Variants in MANEA observed in about 807,000 individuals in gnomAD.
MANEA encodes the protein glycoprotein endo-alpha-1,2-mannosidase.
A neutral mutation model predicts 36.8 loss-of-function variants in MANEA; 25 were observed. The ratio of observed to expected loss-of-function variants is 0.68; its 90% confidence interval spans 0.50 to 0.95. The LOEUF (loss-of-function observed/expected upper bound fraction) is 0.95. MANEA is among the 40% of genes least tolerant of loss of function. The pLI, the probability that MANEA is intolerant of heterozygous loss-of-function variation, is 0.00. For missense variants in MANEA, 565 were observed against 558.8 expected (o/e 1.01, Z -0.11); for synonymous variants, 198 against 188.5 (o/e 1.05, Z -0.41).
At chr6:95,583,005 G>A (rs1455219882) in intron 1 of MANEA, among the ~76,000 whole-genome samples, 1 of 152,156 alleles carries the variant, frequency 6.6e-6, no homozygotes, top group Non-Finnish European at 1.5e-5. Flanking sequence ...AACTGATAAA[G>A]TCAATTTTGA....
intron 3 of MANEA, among the ~76,000 whole-genome samples, chr6:95,600,701 AC>A (rs1247319849): frequency 1.3e-5 from 2 of 152,240 alleles, no homozygotes; most frequent in African/African-American, 4.8e-5. Context: ...CCTCCAATGC[AC>A]ATAACTGACC....
In MANEA at chr6:95,586,920, T is replaced by C. The variant is rs777647662; in HGVS notation, c.481T>C (p.Tyr161His). 10 of 1,613,306 alleles carry C rather than the reference T, an allele frequency of 6.2e-6. No individual in the cohort carries two copies. Among genetic ancestry groups the C allele is most frequent in the Non-Finnish European group, 8.5e-6 (10 of 1,179,594 alleles). Residue 161 changes from tyrosine (Y) to histidine (H), a missense_variant, in exon 2 of 5, where the codon TAC becomes CAC. By Grantham distance (83) the Tyr-to-His change is moderately conservative. Coordinates refer to ENST00000358812, the MANE Select transcript of MANEA (RefSeq NM_024641.4). Reference sequence around the variant, plus strand: ...CAGCTTTTATCCTGAATTGGGAAGTTACAGTTCTCGGGATCCTTCTGTCAT... The same window carrying C: ...CAGCTTTTATCCTGAATTGGGAAGTCACAGTTCTCGGGATCCTTCTGTCAT... ...GSSFYPELGS[Y>H]SSRDPSVIET...
chr6:95,602,875 CCGGGCGCGGTGG>C, intron 3 of MANEA, among the ~76,000 whole-genome samples: 1 of 150,234 alleles, frequency 6.7e-6, no homozygotes, highest in African/African-American at 2.4e-5. Context: ...AAAAAATTAG[CCGGGCGCGGTGG>C]CGGGCGCCTG....
At chr6:95,586,310 A>G (rs907967886) in intron 1 of MANEA, 92 bp from the exon 2 acceptor site, 2 of 698,776 alleles carry the variant, frequency 2.9e-6, no homozygotes, top group Admixed American at 2.7e-5. Flanking sequence ...TATTCAATGT[A>G]ATGAAATTTA....
At chr6:95,601,198 CAG>C (rs1178066517) in intron 3 of MANEA, among the ~76,000 whole-genome samples, 1 of 152,152 alleles carries the variant, frequency 6.6e-6, no homozygotes, top group African/African-American at 2.4e-5. Flanking sequence ...GCTGGTTTTG[CAG>C]AGAGTGTAAA....
Position 95,604,895 on chromosome 6 carries a change from T to C in MANEA, c.723T>C (p.Ile241=), listed in dbSNP as rs201692925. 2.0e-5 allele frequency: 27 copies of C among 1,350,180 alleles called. No individual in the cohort carries two copies. The highest frequency in any genetic ancestry group is 7.1e-6 in the Non-Finnish European group (7 of 986,082). 83.6% of individuals were successfully genotyped at this position (1,350,180 alleles called of 1,614,324 possible). ...DQNMYKNVKY[I]IDKYGNHPAF... is the part of the protein sequence containing the mutation. The stretch of plus-strand genomic sequence containing the variant: ...ACATGTACAAAAATGTCAAGTATAT[T>C]ATAGACAAGTGAGTTTCTTCAATAT... The change falls in exon 4 of 5, where the codon ATT becomes ATC. Residue 241 remains isoleucine, a synonymous_variant. Transcript: ENST00000358812.
intron 3 of MANEA, among the ~76,000 whole-genome samples, chr6:95,599,882 G>T (rs1301420480): frequency 2.0e-5 from 3 of 152,074 alleles, no homozygotes; most frequent in Non-Finnish European, 4.4e-5. Context: ...GTTCTTATTG[G>T]CATTTGAAAT....
rs1363881058 is a variant in MANEA, at chr6:95,607,920, T to TA, written c.*1516dup. The TA allele has an allele frequency of 1.3e-5, 2 of 151,746 alleles. No homozygotes were observed. Among genetic ancestry groups the TA allele is most frequent in the African/African-American group, 2.4e-5 (1 of 41,412 alleles). 9.4% of individuals were successfully genotyped at this position (151,746 alleles called of 1,614,324 possible). A position where few individuals can be genotyped will look rare whatever the true frequency, so the allele number is the denominator to read the frequency against. On this transcript the variant is annotated 3_prime_UTR_variant, in exon 5 of 5. Transcript: ENST00000358812. ...AATTAGCACTAAATTTTTTATAAAA[T>TA]AGACCAGATGACAAAATTTATTTTA...
At chr6:95,579,974 CT>C (rs1769148792) in intron 1 of MANEA, among the ~76,000 whole-genome samples, 1 of 152,152 alleles carries the variant, frequency 6.6e-6, no homozygotes, top group African/African-American at 2.4e-5. Flanking sequence ...TCTATGGTGA[CT>C]TATAATACTT....
chr6:95,595,718 C>T (rs1769469739), intron 2 of MANEA, among the ~76,000 whole-genome samples: 1 of 152,018 alleles, frequency 6.6e-6, no homozygotes, highest in Non-Finnish European at 1.5e-5. Flanking sequence ...CGTAATGAGG[C>T]TTTGAATTAA....
rs1444448767 is a variant in MANEA at position 95,605,906 on chromosome 6, G to C, written c.890G>C (p.Gly297Ala). ...AGTATTCGCAATTCTCCTTATGATG[G>C]ACTGTTTATTGCCCTTCTGGTAGAA... is the stretch of plus-strand genomic sequence containing the variant. ...SRSIRNSPYD[G>A]LFIALLVEEK... The change falls in exon 5 of 5, where the codon GGA (glycine) becomes GCA (alanine). Residue 297 changes from glycine to alanine, a missense_variant. Coordinates refer to ENST00000358812, the MANE Select transcript of MANEA (RefSeq NM_024641.4). 8.1e-6 allele frequency: 13 copies of C among 1,613,846 alleles called. No individual in the cohort carries two copies. The highest frequency in any genetic ancestry group is 1.1e-5 in the Non-Finnish European group (13 of 1,179,942).
chr6:95,593,713 A>G (rs1464085524), intron 2 of MANEA, among the ~76,000 whole-genome samples: 1 of 152,100 alleles, frequency 6.6e-6, no homozygotes, highest in African/African-American at 2.4e-5. Flanking sequence ...AGCTTGAGGA[A>G]GAGAGTAAAG....
chr6:95,580,271 C>G (rs1055269670), intron 1 of MANEA, among the ~76,000 whole-genome samples: 2 of 151,562 alleles, frequency 1.3e-5, no homozygotes, highest in African/African-American at 2.4e-5. Context: ...CAGCAAAGAG[C>G]CAGAAATTAA....
chr6:95,586,411 T>G lies in MANEA; in HGVS notation c.-29T>G. The G allele has an allele frequency of 1.9e-6, 3 of 1,550,174 alleles. No homozygotes were observed. Among genetic ancestry groups the G allele is most frequent in the Non-Finnish European group, 2.6e-6 (3 of 1,143,178 alleles). On this transcript the variant is annotated 5_prime_UTR_variant, in exon 2 of 5. Transcript: ENST00000358812. The stretch of plus-strand genomic sequence containing the variant: ...TTTCAATAAATTGCAGCAAAACACT[T>G]ACTATTTTGGAGTTTAAAGTATGTC...
intron 1 of MANEA, among the ~76,000 whole-genome samples, chr6:95,578,317 A>G (rs745393681): frequency 2.6e-5 from 4 of 152,118 alleles, no homozygotes; most frequent in South Asian, 4.1e-4. Flanking sequence ...GGCAGGTATA[A>G]CTGTTTGGTT....
rs778602559 is a variant in MANEA at position 95,586,716 on chromosome 6, TTGGA to T, written c.280_283del (p.Asp94AsnfsTer5). ...ACCTTCCAAAGCCTCTGAACTTAAC[TTGGA>T]TGAACTACCACCTCTGAACAATTAT... On this transcript the variant is annotated frameshift_variant, in exon 2 of 5. Coordinates refer to ENST00000358812, the MANE Select transcript of MANEA (RefSeq NM_024641.4). LOFTEE classifies it high-confidence loss of function. 1 of 1,614,008 alleles carries T rather than the reference TTGGA, an allele frequency of 6.2e-7. No homozygotes were observed. Among genetic ancestry groups the T allele is most frequent in the Non-Finnish European group, 8.5e-7 (1 of 1,179,964 alleles).
chr6:95,599,625 A>G (rs966964608), intron 3 of MANEA, among the ~76,000 whole-genome samples: 2 of 152,238 alleles, frequency 1.3e-5, no homozygotes, highest in African/African-American at 4.8e-5. Context: ...GTTTCAAATA[A>G]AAATGTGAAA....
intron 2 of MANEA, among the ~76,000 whole-genome samples, chr6:95,594,996 T>C (rs1427465829): frequency 6.6e-6 from 1 of 152,126 alleles, no homozygotes; most frequent in Non-Finnish European, 1.5e-5. Flanking sequence ...TCATGGAGAG[T>C]GCTTGGTTTA....
Position 95,609,294 on chromosome 6 carries a change from T to C in MANEA, c.*2889T>C, listed in dbSNP as rs1384308915. 6.6e-6 allele frequency: 1 copy of C among 151,798 alleles called. No homozygotes were observed. Among genetic ancestry groups the C allele is most frequent in the African/African-American group, 2.4e-5 (1 of 41,438 alleles). 9.4% of individuals were successfully genotyped at this position (151,798 alleles called of 1,614,324 possible). ...CTGTTATAGAAACCAAATATTTTAC[T>C]GTTTCTTTTAAGGACTAATATTGTC... On this transcript the variant is annotated 3_prime_UTR_variant, in exon 5 of 5. Transcript: ENST00000358812.
Sources: gnomAD v4.1 joint callset for allele counts (sites outside exome capture counted in the v4.1 genomes callset) on GRCh38, gnomAD v4.1.1 for gene constraint, MANE v1.5 for transcripts, NCBI Gene and HGNC (gene_info 2026-07-23, HGNC 2026-07-21) for gene names.